The following FRMPD4 variants were observed in gnomAD, a reference collection of about 807,000 sequenced individuals.
FRMPD4 encodes FERM and PDZ domain containing 4.
Under a neutral mutation model 94.1 loss-of-function variants are expected in FRMPD4, and 22 were observed. The observed-to-expected ratio is 0.23, with a 90% confidence interval of 0.17 to 0.33. The LOEUF (loss-of-function observed/expected upper bound fraction) is 0.33, where lower values mean the gene tolerates loss of function less well. FRMPD4 is among the 10% of genes least tolerant of loss of function. FRMPD4 has a pLI of 1.00. For missense variants in FRMPD4, 1,111 were observed against 1,339.9 expected (o/e 0.83, Z 2.67); for synonymous variants, 631 against 548.6 (o/e 1.15, Z -2.10).
intron 5 of FRMPD4, among the ~76,000 whole-genome samples, chrX:12,679,215 A>G (rs1388665358): frequency 8.9e-6 from 1 of 112,452 alleles, no homozygotes; most frequent in African/African-American, 3.2e-5. Context: ...AGGAATTATC[A>G]TTCCCAGAAA....
intron 5 of FRMPD4, among the ~76,000 whole-genome samples, chrX:12,677,001 A>T (rs1027779176): frequency 8.9e-6 from 1 of 111,953 alleles, no homozygotes; most frequent in African/African-American, 3.2e-5. Context: ...CGGCCTCGCT[A>T]AATAAATCCT....
At chrX:12,585,905 G>A (rs749669312) in intron 2 of FRMPD4, among the ~76,000 whole-genome samples, 1 of 112,154 alleles carries the variant, frequency 8.9e-6, no homozygotes, top group East Asian at 2.8e-4. Context: ...CTGAAAATTG[G>A]GAATAATATA....
chrX:12,666,325 A>T, intron 4 of FRMPD4, among the ~76,000 whole-genome samples: 1 of 111,313 alleles, frequency 9.0e-6, no homozygotes, highest in Admixed American at 9.6e-5. Context: ...CCACACAATA[A>T]TAGTGGGAGA....
chrX:12,520,981 C>T (rs1320247201), intron 2 of FRMPD4, among the ~76,000 whole-genome samples: 9 of 112,233 alleles, frequency 8.0e-5, no homozygotes, highest in African/African-American at 9.7e-5. Flanking sequence ...GTGGGTCATA[C>T]GGTTTCTGTT....
chrX:11,962,373 A>G (rs980261855), intron 3 of FRMPD4, among the ~76,000 whole-genome samples: 9 of 111,805 alleles, frequency 8.0e-5, no homozygotes, highest in African/African-American at 2.6e-4. Flanking sequence ...GCTCCCTTCA[A>G]TGTCTTTTAT....
intron 3 of FRMPD4, among the ~76,000 whole-genome samples, chrX:11,952,510 C>A (rs147084190): frequency 8.9e-6 from 1 of 112,238 alleles, no homozygotes; most frequent in Non-Finnish European, 1.9e-5. Flanking sequence ...TTGTAATCTG[C>A]GAAAGGCAGT....
At chrX:12,370,076 AT>A in intron 1 of FRMPD4, among the ~76,000 whole-genome samples, 1 of 111,654 alleles carries the variant, frequency 9.0e-6, no homozygotes, top group African/African-American at 3.3e-5. Flanking sequence ...TAATTTTCCA[AT>A]TTTTTAAGAA....
At chrX:12,341,842 C>G (rs1241140527) in intron 1 of FRMPD4, among the ~76,000 whole-genome samples, 1 of 111,912 alleles carries the variant, frequency 8.9e-6, no homozygotes, top group Non-Finnish European at 1.9e-5. Context: ...TTTAATGGCT[C>G]TTGAAATTAA....
intron 1 of FRMPD4, among the ~76,000 whole-genome samples, chrX:12,417,044 C>G (rs866594868): frequency 2.2e-4 from 25 of 111,324 alleles, no homozygotes; most frequent in Middle Eastern, 9.3e-3. Flanking sequence ...GCTCAGACCT[C>G]TTCCGGGAGG....
rs953757684 is a variant in FRMPD4, at chrX:12,724,378, T to C, written c.*2520T>C. The C allele has an allele frequency of 8.9e-6, 1 of 112,199 alleles. No homozygotes were observed. Among genetic ancestry groups the C allele is most frequent in the African/African-American group, 3.2e-5 (1 of 30,920 alleles). The allele number at this position is 112,199 out of a possible 1,213,427, so 9.2% of individuals were successfully genotyped here. A position where few individuals can be genotyped will look rare whatever the true frequency, so the allele number is the denominator to read the frequency against. ...GGCTCCTAACTGGGGTCCAGGTCCA[T>C]AGAGTGTAGGAAGAACATATTAGAA... On this transcript the variant is annotated 3_prime_UTR_variant, in exon 17 of 17. Coordinates refer to ENST00000675598, the MANE Select transcript of FRMPD4 (RefSeq NM_001368397.1).
At chrX:12,033,016 T>C (rs1372832711) in intron 3 of FRMPD4, among the ~76,000 whole-genome samples, 1 of 111,822 alleles carries the variant, frequency 8.9e-6, no homozygotes, top group Non-Finnish European at 1.9e-5. Context: ...AAATTACTAG[T>C]CAAAGGAATG....
At chrX:11,848,714 C>T (rs1244791767) in intron 1 of FRMPD4, among the ~76,000 whole-genome samples, 1 of 110,661 alleles carries the variant, frequency 9.0e-6, no homozygotes, top group Admixed American at 9.7e-5. Flanking sequence ...AAATCCCCTC[C>T]TAACCTACCA....
chrX:12,418,350 C>CTTTTT (rs540740432), intron 1 of FRMPD4, among the ~76,000 whole-genome samples: 326 of 80,780 alleles, frequency 4.0e-3, no homozygotes, highest in East Asian at 4.5e-3. Context: ...GTGTTTCTTT[C>CTTTTT]TTTTTTTTTT....
chrX:12,387,396 T>C lies in FRMPD4; in HGVS notation c.42-111284T>C, dbSNP rs1165089134. On this transcript the variant is annotated intron_variant, in intron 1 of 16. Transcript: ENST00000675598. ...AGAAATTCTAAGACAGATTAAATAATGTCAAAGCAACTGCCTGAAAGATGC... is the reference window on the plus strand; with the variant it reads ...AGAAATTCTAAGACAGATTAAATAACGTCAAAGCAACTGCCTGAAAGATGC... 7.1e-5 allele frequency among the ~76,000 whole-genome samples: 8 copies of C among 112,089 alleles called. No homozygotes were observed. In the Admixed American group the frequency reaches 7.6e-4, roughly 11 times the overall value.
chrX:12,096,968 CA>C (rs958249534), intron 3 of FRMPD4, among the ~76,000 whole-genome samples: 15 of 108,302 alleles, frequency 1.4e-4, no homozygotes, highest in South Asian at 1.2e-3. Context: ...ATGCCTAAAC[CA>C]AAAAAAAAGT....
chrX:12,021,491 T>C (rs1379589145), intron 3 of FRMPD4, among the ~76,000 whole-genome samples: 9 of 112,108 alleles, frequency 8.0e-5, no homozygotes, highest in Admixed American at 1.9e-4. Context: ...GGAACAAGGT[T>C]CAAACATGAA....
At chrX:12,269,744 C>T (rs937832087) in intron 1 of FRMPD4, among the ~76,000 whole-genome samples, 1 of 111,671 alleles carries the variant, frequency 9.0e-6, no homozygotes, top group Admixed American at 9.5e-5. Context: ...TCCTCTTCCA[C>T]TCCACACACA....
intron 1 of FRMPD4, among the ~76,000 whole-genome samples, chrX:12,495,683 T>A (rs1477647895): frequency 9.0e-6 from 1 of 111,345 alleles, no homozygotes; most frequent in Non-Finnish European, 1.9e-5. Context: ...CCAGCATATC[T>A]GCTCTTGATC....
At chrX:11,843,775 T>G (rs749585118) in intron 1 of FRMPD4, among the ~76,000 whole-genome samples, 37 of 110,159 alleles carry the variant, frequency 3.4e-4, no homozygotes, top group Admixed American at 1.4e-3. Context: ...GATGTTGAAC[T>G]GCTGGACTCA....
Sources: allele counts gnomAD v4.1 joint callset (sites outside exome capture counted in the v4.1 genomes callset), GRCh38; gene constraint gnomAD v4.1.1; transcripts MANE v1.5; gene names NCBI Gene and HGNC (gene_info 2026-07-23, HGNC 2026-07-21).